ZNF638: variants seen among roughly 807,000 people sequenced by gnomAD.
The protein encoded by ZNF638 is CTCL tumor antigen se33-1.
Under a neutral mutation model 195.6 loss-of-function variants are expected in ZNF638, and 46 were observed. The ratio of observed to expected loss-of-function variants is 0.24; its 90% confidence interval spans 0.19 to 0.30. The LOEUF (loss-of-function observed/expected upper bound fraction) is 0.30. ZNF638 is among the 10% of genes least tolerant of loss of function. The pLI is 1.00. For missense variants in ZNF638, 2,440 were observed against 2,325.3 expected (o/e 1.05, Z -1.01); for synonymous variants, 845 against 772.0 (o/e 1.09, Z -1.57).
At chr2:71,332,122 C>T (rs1255906714) in intron 1 of ZNF638, among the ~76,000 whole-genome samples, 3 of 152,184 alleles carry the variant, frequency 2.0e-5, no homozygotes, top group Admixed American at 6.5e-5. Context: ...AGGGCCCGTC[C>T]GGGTACTCGT....
At chr2:71,375,760 G>T (rs2079409640) in intron 8 of ZNF638, 1 of 152,220 alleles carries the variant, frequency 6.6e-6, no homozygotes, top group Non-Finnish European at 1.5e-5. Context: ...TTAGGCAAAT[G>T]ATTTTGAAGG....
chr2:71,378,860 G>C (rs1448929298), intron 8 of ZNF638, among the ~76,000 whole-genome samples: 1 of 152,200 alleles, frequency 6.6e-6, no homozygotes, highest in Non-Finnish European at 1.5e-5. Flanking sequence ...TACCTTTGTA[G>C]CATCTTAGAG....
At chr2:71,389,586 G>T (rs1400120566) in intron 10 of ZNF638, among the ~76,000 whole-genome samples, 1 of 152,194 alleles carries the variant, frequency 6.6e-6, no homozygotes, top group African/African-American at 2.4e-5. Flanking sequence ...TGCTTCAGGG[G>T]AGGGGTTCCT....
intron 10 of ZNF638, among the ~76,000 whole-genome samples, chr2:71,387,002 C>T (rs1411225033): frequency 6.6e-6 from 1 of 151,940 alleles, no homozygotes; most frequent in East Asian, 1.9e-4. Context: ...CCAGAGACAC[C>T]TCATCCAGCT....
At chr2:71,431,274 T>G in intron 25 of ZNF638, 53 bp from the exon 26 acceptor site, 1 of 1,487,824 alleles carries the variant, frequency 6.7e-7, no homozygotes, top group Non-Finnish European at 9.3e-7. Context: ...ATGTTAACTT[T>G]ACAAAGTCTG....
intron 1 of ZNF638, among the ~76,000 whole-genome samples, chr2:71,344,172 G>C (rs2078812677): frequency 6.6e-6 from 1 of 152,158 alleles, no homozygotes; most frequent in African/African-American, 2.4e-5. Flanking sequence ...TCTACTTTTA[G>C]TATCCAAATT....
intron 10 of ZNF638, among the ~76,000 whole-genome samples, chr2:71,387,497 C>T (rs946423369): frequency 6.6e-6 from 1 of 151,926 alleles, no homozygotes. Context: ...ATGGTGAAAT[C>T]CCATCTCTAC....
chr2:71,347,357 G>C (rs147317776), intron 1 of ZNF638, among the ~76,000 whole-genome samples: 19 of 152,280 alleles, frequency 1.2e-4, no homozygotes, highest in African/African-American at 3.6e-4. Context: ...AAATGTGGTG[G>C]CAGCATGCAA....
chr2:71,373,299 A>T (rs1275033358), intron 8 of ZNF638, among the ~76,000 whole-genome samples: 1 of 73,914 alleles, frequency 1.4e-5, no homozygotes, highest in Non-Finnish European at 2.4e-5. Context: ...TTCCTATTTT[A>T]TTATTGTTGT....
intron 2 of ZNF638, among the ~76,000 whole-genome samples, chr2:71,352,586 A>T (rs1342051753): frequency 6.6e-6 from 1 of 151,850 alleles, no homozygotes; most frequent in Non-Finnish European, 1.5e-5. Context: ...TTGTGGTAGG[A>T]GGCAGTTGGG....
chr2:71,343,229 G>A (rs868829350), intron 1 of ZNF638, among the ~76,000 whole-genome samples: 2 of 152,102 alleles, frequency 1.3e-5, no homozygotes, highest in Admixed American at 6.6e-5. Context: ...CTATAGGAAC[G>A]CAACTGTATT....
chr2:71,335,483 C>T (rs967035321), intron 1 of ZNF638, among the ~76,000 whole-genome samples: 1 of 152,026 alleles, frequency 6.6e-6, no homozygotes, highest in South Asian at 2.1e-4. Flanking sequence ...TTTTAGCTAA[C>T]TTGCCTATTG....
At position 71,365,620 on chromosome 2, in the gene ZNF638, A is replaced by G. The variant is rs1351113334; in HGVS notation, c.1909A>G (p.Ile637Val). 10 of 1,614,166 alleles carry G rather than the reference A, an allele frequency of 6.2e-6. No individual in the cohort carries two copies. The highest frequency in any genetic ancestry group is 1.6e-4 in the Middle Eastern group (1 of 6,062). The change falls in exon 6 of 28, where the codon ATT becomes GTT. Residue 637 changes from isoleucine (I) to valine (V), a missense_variant. Around this residue, in one of 5 missense-constraint regions of ZNF638, gnomAD observed 1,883 missense variants for 1,739.1 expected, o/e 1.08. Coordinates refer to ENST00000264447, the MANE Select transcript of ZNF638 (RefSeq NM_014497.5). Reference protein sequence around the residue: ...KSDSNLGGHSIRCKSKNLEDD... With the variant: ...KSDSNLGGHSVRCKSKNLEDD... ...TGATTCAAATCTAGGAGGACATTCT[A>G]TTCGTTGTAAATCAAAGAATCTTGA...
intron 24 of ZNF638, among the ~76,000 whole-genome samples, chr2:71,427,749 C>G (rs1271659394): frequency 6.6e-6 from 1 of 152,202 alleles, no homozygotes; most frequent in African/African-American, 2.4e-5. Context: ...AGAACATTTA[C>G]ATCAGATTAC....
intron 21 of ZNF638, among the ~76,000 whole-genome samples, chr2:71,419,118 A>G (rs1318227840): frequency 1.3e-5 from 2 of 152,184 alleles, no homozygotes; most frequent in Non-Finnish European, 2.9e-5. Context: ...ATAGTTTTGC[A>G]TTATCAGAGG....
rs774390802 is a variant in ZNF638 at position 71,380,556 on chromosome 2, A to T, written c.2368A>T (p.Thr790Ser). ...ASKAVEIVTSTSAAKTGQAKA... is the reference protein window; with the variant it reads ...ASKAVEIVTSSSAAKTGQAKA... ...AAAAGCTGTTGAAATTGTTACTTCAACTTCTGCTGGTAAGTTGTTACTTTT... is the reference window on the plus strand; with the variant it reads ...AAAAGCTGTTGAAATTGTTACTTCATCTTCTGCTGGTAAGTTGTTACTTTT... Residue 790 changes from threonine (T) to serine (S), a missense_variant, in exon 10 of 28, where the codon ACT (threonine) becomes TCT (serine). Thr to Ser is a moderately conservative substitution (Grantham distance 58, BLOSUM62 1). Coordinates refer to ENST00000264447, the MANE Select transcript of ZNF638 (RefSeq NM_014497.5). The T allele has an allele frequency of 4.4e-6, 7 of 1,603,330 alleles. No homozygotes were observed. In the South Asian group the frequency reaches 6.8e-5, roughly 15 times the overall value.
chr2:71,386,496 A>C (rs1331130793), intron 10 of ZNF638, among the ~76,000 whole-genome samples: 1 of 152,012 alleles, frequency 6.6e-6, no homozygotes, highest in Non-Finnish European at 1.5e-5. Context: ...AGTTAAAATA[A>C]ATATTTTTTA....
chr2:71,334,752 T>TACTAAAAATAGAAAAAAA (rs1197182840), intron 1 of ZNF638, among the ~76,000 whole-genome samples: 1 of 151,968 alleles, frequency 6.6e-6, no homozygotes, highest in Non-Finnish European at 1.5e-5. Flanking sequence ...TCCCCATCTC[T>TACTAAAAATAGAAAAAAA]ACTAAAAATA....
chr2:71,376,051 G>T (rs1393739911), intron 8 of ZNF638: 1 of 152,184 alleles, frequency 6.6e-6, no homozygotes, highest in Non-Finnish European at 1.5e-5. Context: ...TAAGGAAATA[G>T]AATGTTTCAA....
Sources: gnomAD v4.1 joint callset for allele counts (sites outside exome capture counted in the v4.1 genomes callset) on GRCh38, gnomAD v4.1.1 for gene constraint, gnomAD v4.1.1 regional missense constraint, MANE v1.5 for transcripts, NCBI Gene and HGNC (gene_info 2026-07-23, HGNC 2026-07-21) for gene names.